TSHZ2: variants seen among roughly 807,000 people sequenced by gnomAD.
The protein encoded by TSHZ2 is teashirt zinc finger homeobox 2.
Under a neutral mutation model 74.4 loss-of-function variants are expected in TSHZ2, and 21 were observed. The observed-to-expected ratio is 0.28, with a 90% CI of 0.20 to 0.41. TSHZ2 has a LOEUF of 0.41. TSHZ2 is among the 10% of genes least tolerant of loss of function. The pLI is 1.00. For synonymous variants in TSHZ2, 540 were observed against 515.3 expected, an observed-to-expected ratio of 1.05 and a Z score of -0.65; for missense variants, 1,244 against 1,293.5, an observed-to-expected ratio of 0.96 and a Z score of 0.59.
At chr20:53,340,856 G>A (rs1244382664) in intron 2 of TSHZ2, among the ~76,000 whole-genome samples, 1 of 152,122 alleles carries the variant, frequency 6.6e-6, no homozygotes, top group East Asian at 1.9e-4. Flanking sequence ...ACAAAGGTGG[G>A]GTAGGCCCTG....
At chr20:53,050,328 G>C (rs1984416654) in intron 1 of TSHZ2, among the ~76,000 whole-genome samples, 1 of 152,054 alleles carries the variant, frequency 6.6e-6, no homozygotes, top group South Asian at 2.1e-4. Context: ...GCAGAGTTAA[G>C]TCTGCAAAGA....
rs544382807 is a variant in TSHZ2 at position 53,059,733 on chromosome 20, A to C, written c.40+86400A>C. The stretch of plus-strand genomic sequence containing the variant: ...CTCACTTATTTTGTTTCACGTTCCT[A>C]TTGACTTTGAAATGTTGTCCTTTTT... On this transcript the variant is annotated intron_variant, in intron 1 of 2. Coordinates refer to ENST00000371497, the MANE Select transcript of TSHZ2 (RefSeq NM_173485.6). Among the ~76,000 whole-genome samples the C allele has an allele frequency of 4.6e-5, 7 of 152,232 alleles. No individual in the cohort carries two copies. In the South Asian group the frequency reaches 1.5e-3, roughly 32 times the overall value.
intron 2 of TSHZ2, among the ~76,000 whole-genome samples, chr20:53,372,809 C>T (rs1485455856): frequency 6.6e-6 from 1 of 152,174 alleles, no homozygotes; most frequent in Non-Finnish European, 1.5e-5. Flanking sequence ...CCCGATAGCT[C>T]CTCACTTTGA....
intron 2 of TSHZ2, among the ~76,000 whole-genome samples, chr20:53,414,432 CAAT>C (rs1983164297): frequency 6.6e-6 from 1 of 152,068 alleles, no homozygotes; most frequent in Non-Finnish European, 1.5e-5. Flanking sequence ...CCAGCCTAGA[CAAT>C]ATAGCCAGAC....
chr20:53,342,877 G>A (rs1228487432), intron 2 of TSHZ2, among the ~76,000 whole-genome samples: 1 of 150,666 alleles, frequency 6.6e-6, no homozygotes, highest in Admixed American at 6.6e-5. Context: ...ATCACCTGAG[G>A]ATCTTGTTAA....
chr20:53,292,347 T>C (rs1466854140), intron 2 of TSHZ2, among the ~76,000 whole-genome samples: 1 of 152,122 alleles, frequency 6.6e-6, no homozygotes, highest in Non-Finnish European at 1.5e-5. Context: ...CTGAATCCAG[T>C]AGCAAAGCAA....
chr20:53,140,277 G>A (rs993276980), intron 1 of TSHZ2, among the ~76,000 whole-genome samples: 3 of 152,008 alleles, frequency 2.0e-5, no homozygotes, highest in African/African-American at 7.2e-5. Flanking sequence ...ACGGTGGCTC[G>A]CGCCTGTAAT....
intron 1 of TSHZ2, among the ~76,000 whole-genome samples, chr20:53,200,524 A>G (rs1182534520): frequency 6.6e-6 from 1 of 152,216 alleles, no homozygotes; most frequent in African/African-American, 2.4e-5. Flanking sequence ...TATGTTTCAA[A>G]TTAGGAGGAG....
intron 2 of TSHZ2, among the ~76,000 whole-genome samples, chr20:53,322,947 CTT>C (rs1183868562): frequency 2.0e-5 from 3 of 152,314 alleles, no homozygotes; most frequent in African/African-American, 7.2e-5. Context: ...AAGCTCAACT[CTT>C]AGCAGATTTG....
intron 1 of TSHZ2, among the ~76,000 whole-genome samples, chr20:53,000,575 A>T (rs1402913796): frequency 1.3e-5 from 2 of 152,214 alleles, no homozygotes; most frequent in Admixed American, 6.5e-5. Flanking sequence ...ATCAATTTTT[A>T]AAAAATAATA....
intron 1 of TSHZ2, among the ~76,000 whole-genome samples, chr20:53,214,598 A>G (rs756576235): frequency 1.3e-5 from 2 of 152,198 alleles, no homozygotes; most frequent in Non-Finnish European, 2.9e-5. Context: ...CTTTAATCTC[A>G]GCTACCTGGG....
At chr20:53,055,423 A>T (rs966222536) in intron 1 of TSHZ2, among the ~76,000 whole-genome samples, 1 of 152,206 alleles carries the variant, frequency 6.6e-6, no homozygotes, top group African/African-American at 2.4e-5. Flanking sequence ...GCAATAATTC[A>T]GACAAGGCTT....
chr20:53,369,204 G>A (rs1294205167), intron 2 of TSHZ2, among the ~76,000 whole-genome samples: 3 of 152,184 alleles, frequency 2.0e-5, no homozygotes, highest in South Asian at 2.1e-4. Context: ...GGTCATGACT[G>A]TAATGAGCCT....
chr20:53,456,137 C>T (rs898034910), intron 2 of TSHZ2, among the ~76,000 whole-genome samples: 4 of 151,860 alleles, frequency 2.6e-5, no homozygotes, highest in African/African-American at 9.7e-5. Flanking sequence ...AATCGCCACA[C>T]TGACTCCCAC....
intron 2 of TSHZ2, among the ~76,000 whole-genome samples, chr20:53,316,519 G>A (rs1221884678): frequency 6.6e-6 from 1 of 151,226 alleles, no homozygotes; most frequent in African/African-American, 2.4e-5. Context: ...CAGCCTCGAA[G>A]ACTGATCAGG....
chr20:53,002,200 T>C (rs1418686793), intron 1 of TSHZ2, among the ~76,000 whole-genome samples: 3 of 152,142 alleles, frequency 2.0e-5, no homozygotes, highest in Non-Finnish European at 4.4e-5. Flanking sequence ...ATGTTAGAAA[T>C]GACAAAGAGG....
At chr20:53,005,218 C>T (rs1982596656) in intron 1 of TSHZ2, among the ~76,000 whole-genome samples, 1 of 152,038 alleles carries the variant, frequency 6.6e-6, no homozygotes. Context: ...GAGGCTGAGC[C>T]AGGAGAATCG....
intron 1 of TSHZ2, among the ~76,000 whole-genome samples, chr20:53,243,083 C>A (rs1990110235): frequency 6.6e-6 from 1 of 151,860 alleles, no homozygotes; most frequent in Non-Finnish European, 1.5e-5. Context: ...GGGGAGGGTA[C>A]AGTGATCAGA....
rs565263116 is a variant in TSHZ2, at chr20:53,063,120, C to T, written c.40+89787C>T. Among the ~76,000 whole-genome samples the T allele has an allele frequency of 2.1e-4, 32 of 152,052 alleles. No individual in the cohort carries two copies. In the South Asian group the frequency reaches 4.4e-3, roughly 21 times the overall value. On this transcript the variant is annotated intron_variant, in intron 1 of 2. Transcript: ENST00000371497. ...AATAATGAAAAAGTTTGAAATATTG[C>T]GAGAATTACCAAAGTCTGGCACAGA...
Sources: gnomAD v4.1 joint callset for allele counts (sites outside exome capture counted in the v4.1 genomes callset) on GRCh38, gnomAD v4.1.1 for gene constraint, MANE v1.5 for transcripts, NCBI Gene and HGNC (gene_info 2026-07-23, HGNC 2026-07-21) for gene names.